The following IMPG1 variants were observed in gnomAD, a reference collection of about 807,000 sequenced individuals.
IMPG1 encodes interphotoreceptor matrix proteoglycan of 150 kDa.
A neutral mutation model predicts 92.0 loss-of-function variants in IMPG1; 85 were observed. That is an observed-to-expected ratio of 0.92 (90% CI 0.78 to 1.11). The LOEUF is 1.11. IMPG1 is among the 50% of genes least tolerant of loss of function. The pLI is 0.00. For synonymous variants in IMPG1, 367 were observed against 334.1 expected (o/e 1.10, Z -1.08); for missense variants, 1,022 against 956.0 (o/e 1.07, Z -0.91).
At chr6:76,043,579 T>C (rs1383336607) in intron 1 of IMPG1, among the ~76,000 whole-genome samples, 2 of 152,164 alleles carry the variant, frequency 1.3e-5, no homozygotes, top group Non-Finnish European at 2.9e-5. Context: ...ACTAGACCCA[T>C]AAATCATAAT....
chr6:76,001,923 A>G (rs1782996931), intron 12 of IMPG1, among the ~76,000 whole-genome samples: 1 of 152,214 alleles, frequency 6.6e-6, no homozygotes, highest in African/African-American at 2.4e-5. Context: ...CTATCATACC[A>G]TATATGTATT....
intron 7 of IMPG1, among the ~76,000 whole-genome samples, chr6:76,014,400 G>T (rs1343887720): frequency 6.6e-6 from 1 of 152,170 alleles, no homozygotes; most frequent in Non-Finnish European, 1.5e-5. Flanking sequence ...GGCCTGGGGA[G>T]CGAGTTTCTG....
intron 1 of IMPG1, among the ~76,000 whole-genome samples, chr6:76,071,917 A>G (rs1784408558): frequency 6.6e-6 from 1 of 152,066 alleles, no homozygotes; most frequent in East Asian, 1.9e-4. Context: ...AAACAACCAA[A>G]TTTTGAAGTG....
chr6:76,066,747 A>G (rs977575401), intron 1 of IMPG1, among the ~76,000 whole-genome samples: 7 of 152,180 alleles, frequency 4.6e-5, no homozygotes, highest in Non-Finnish European at 1.0e-4. Flanking sequence ...TGCAGAATAT[A>G]CATTCTTCTC....
At chr6:76,054,053 A>C (rs1054282458) in intron 1 of IMPG1, among the ~76,000 whole-genome samples, 5 of 152,166 alleles carry the variant, frequency 3.3e-5, no homozygotes, top group African/African-American at 1.2e-4. Context: ...TGGAGACTGA[A>C]GCATAGGAAG....
intron 12 of IMPG1, among the ~76,000 whole-genome samples, chr6:75,955,262 G>A (rs557014385): frequency 1.4e-4 from 21 of 152,088 alleles, no homozygotes; most frequent in East Asian, 9.7e-4. Context: ...ATGTTTTTCC[G>A]TTTGTTTGTA....
chr6:75,979,807 CA>C (rs1451875692), intron 12 of IMPG1, among the ~76,000 whole-genome samples: 1 of 152,092 alleles, frequency 6.6e-6, no homozygotes, highest in African/African-American at 2.4e-5. Context: ...AATTTCACAA[CA>C]AAAGAGTAAC....
At chr6:75,992,845 A>G (rs1371483993) in intron 12 of IMPG1, among the ~76,000 whole-genome samples, 1 of 152,142 alleles carries the variant, frequency 6.6e-6, no homozygotes, top group Non-Finnish European at 1.5e-5. Flanking sequence ...AAAGTCCTTT[A>G]TACCCTTCTC....
At chr6:76,058,761 C>T (rs145798952) in intron 1 of IMPG1, among the ~76,000 whole-genome samples, 84 of 152,218 alleles carry the variant, frequency 5.5e-4, no homozygotes, top group African/African-American at 1.9e-3. Flanking sequence ...GCTTGTAGGG[C>T]CTAGCTAACT....
chr6:76,006,538 G>T (rs1420297043), intron 9 of IMPG1, among the ~76,000 whole-genome samples: 2 of 150,270 alleles, frequency 1.3e-5, no homozygotes, highest in Non-Finnish European at 3.0e-5. Flanking sequence ...ACGTGTGTGT[G>T]TGTGTATGTG....
chr6:76,048,824 A>G (rs1783988839), intron 1 of IMPG1, among the ~76,000 whole-genome samples: 1 of 152,194 alleles, frequency 6.6e-6, no homozygotes, highest in African/African-American at 2.4e-5. Context: ...CCATTTGACC[A>G]TTTGACCCAG....
intron 8 of IMPG1, 118 bp from the exon 9 acceptor site, chr6:76,007,618 C>T (rs1478170010): frequency 4.5e-6 from 3 of 672,382 alleles, no homozygotes; most frequent in Non-Finnish European, 4.8e-6. Context: ...TTTCCATTGT[C>T]TCTTTTGTTT....
intron 12 of IMPG1, among the ~76,000 whole-genome samples, chr6:75,978,008 T>G (rs898295302): frequency 2.6e-5 from 4 of 152,126 alleles, no homozygotes; most frequent in Non-Finnish European, 4.4e-5. Context: ...CACTGCAGTC[T>G]CCAACTCCTG....
chr6:76,038,870 G>A (rs1475114974), intron 2 of IMPG1, among the ~76,000 whole-genome samples: 5 of 152,266 alleles, frequency 3.3e-5, no homozygotes, highest in Non-Finnish European at 7.3e-5. Flanking sequence ...GGCCAGGCAT[G>A]GCAGTCTGTA....
intron 13 of IMPG1, among the ~76,000 whole-genome samples, chr6:75,949,389 A>C (rs1247476221): frequency 6.6e-6 from 1 of 152,190 alleles, no homozygotes; most frequent in African/African-American, 2.4e-5. Flanking sequence ...GCACCATGAC[A>C]GTTTACAAAT....
intron 1 of IMPG1, among the ~76,000 whole-genome samples, chr6:76,065,885 C>G (rs907059048): frequency 2.0e-5 from 3 of 152,080 alleles, no homozygotes; most frequent in Non-Finnish European, 4.4e-5. Context: ...GACTTCTCAG[C>G]AGAAACCTTA....
chr6:75,989,264 C>T (rs1290990644), intron 12 of IMPG1, among the ~76,000 whole-genome samples: 6 of 152,148 alleles, frequency 3.9e-5, no homozygotes, highest in African/African-American at 1.4e-4. Context: ...TTTTGTTTCT[C>T]GAATACTGTA....
At chr6:75,996,337 G>A (rs1315651285) in intron 12 of IMPG1, among the ~76,000 whole-genome samples, 1 of 152,188 alleles carries the variant, frequency 6.6e-6, no homozygotes, top group Admixed American at 6.5e-5. Context: ...ACTGAAAACT[G>A]CTTGGTACAC....
intron 1 of IMPG1, among the ~76,000 whole-genome samples, chr6:76,055,182 G>A (rs145149342): frequency 6.6e-6 from 1 of 151,882 alleles, no homozygotes; most frequent in African/African-American, 2.4e-5. Flanking sequence ...ATTCAAATCT[G>A]AATACATTGA....
Sources: gnomAD v4.1 joint callset for allele counts (sites outside exome capture counted in the v4.1 genomes callset) on GRCh38, gnomAD v4.1.1 for gene constraint, MANE v1.5 for transcripts, NCBI Gene and HGNC (gene_info 2026-07-23, HGNC 2026-07-21) for gene names.